The following TMEM163 variants were observed in gnomAD, a reference collection of about 807,000 sequenced individuals.
TMEM163 encodes the protein transmembrane protein 163.
TMEM163 carries 17 observed loss-of-function variants against 29.3 expected under a neutral mutation model. The observed-to-expected ratio is 0.58, with a 90% CI of 0.40 to 0.87. The LOEUF is 0.87. TMEM163 is among the 40% of genes least tolerant of loss of function. The probability of loss-of-function intolerance (pLI) is 0.00; values close to 1 mark genes in which losing one functional copy is unlikely to be tolerated. For synonymous variants in TMEM163, 157 were observed against 160.6 expected (o/e 0.98, Z 0.17); for missense variants, 303 against 381.5 (o/e 0.79, Z 1.71).
At position 134,509,977 on chromosome 2, in the gene TMEM163, A is replaced by G. The variant is rs117353958; in HGVS notation, c.459-6980T>C. On this transcript the variant is annotated intron_variant, in intron 4 of 7. Transcript: ENST00000281924. ...ACACAGCACTGTGGGGCCCTATTTC[A>G]GCAGGAGTTCAAAATGGAGATGCTG... 5.1e-4 allele frequency among the ~76,000 whole-genome samples: 77 copies of G among 152,324 alleles called. No individual in the cohort carries two copies. In the East Asian group the frequency reaches 0.014, roughly 28 times the overall value.
intron 4 of TMEM163, among the ~76,000 whole-genome samples, chr2:134,526,646 TAA>T (rs1680305943): frequency 6.6e-6 from 1 of 152,332 alleles, no homozygotes; most frequent in Non-Finnish European, 1.5e-5. Context: ...ATGTAATTAA[TAA>T]AGTCTCTCCA....
chr2:134,692,379 T>C (rs1185965414), intron 2 of TMEM163, among the ~76,000 whole-genome samples: 1 of 152,224 alleles, frequency 6.6e-6, no homozygotes, highest in African/African-American at 2.4e-5. Context: ...CTGACCTCTA[T>C]GTCTTCCACT....
chr2:134,541,995 G>C (rs1680684028), intron 4 of TMEM163, among the ~76,000 whole-genome samples: 1 of 152,192 alleles, frequency 6.6e-6, no homozygotes, highest in African/African-American at 2.4e-5. Context: ...TGAAATTGAG[G>C]CATCAAGAAA....
intron 4 of TMEM163, among the ~76,000 whole-genome samples, chr2:134,539,582 T>A (rs1680618358): frequency 6.6e-6 from 1 of 152,186 alleles, no homozygotes; most frequent in African/African-American, 2.4e-5. Context: ...TGTATATGTA[T>A]CTTATAAAAT....
Position 134,460,379 on chromosome 2 carries a change from A to C in TMEM163, c.668-2206T>G. On this transcript the variant is annotated intron_variant, in intron 6 of 7. Transcript: ENST00000281924. The surrounding 1 kb of genome is among the most constrained non-coding windows in gnomAD (Gnocchi z 4.3). Reference sequence around the variant, plus strand: ...CCCCTAAACTTCCTCCCCTCCACCCACCACTCCCTCCTGCCTCCAGCTAAC... The same window carrying C: ...CCCCTAAACTTCCTCCCCTCCACCCCCCACTCCCTCCTGCCTCCAGCTAAC... Among the ~76,000 whole-genome samples the C allele has an allele frequency of 6.8e-6, 1 of 146,988 alleles. No homozygotes were observed. The highest frequency in any genetic ancestry group is 6.7e-5 in the Admixed American group (1 of 14,918).
At chr2:134,585,709 T>C (rs1224509973) in intron 2 of TMEM163, among the ~76,000 whole-genome samples, 1 of 147,490 alleles carries the variant, frequency 6.8e-6, no homozygotes, top group African/African-American at 2.5e-5. Context: ...GCCACTGCAC[T>C]CCAGCCTGGG....
chr2:134,647,892 C>T (rs1288017357), intron 2 of TMEM163, among the ~76,000 whole-genome samples: 1 of 152,206 alleles, frequency 6.6e-6, no homozygotes, highest in African/African-American at 2.4e-5. Context: ...CTCTGTGTGG[C>T]CCCGTGGCAG....
chr2:134,658,483 A>G (rs985107050), intron 2 of TMEM163, among the ~76,000 whole-genome samples: 8 of 152,134 alleles, frequency 5.3e-5, no homozygotes, highest in African/African-American at 1.9e-4. Context: ...TGTTCTGAGT[A>G]TTGGTATGAG....
chr2:134,534,741 G>A (rs536436852), intron 4 of TMEM163, among the ~76,000 whole-genome samples: 91 of 152,062 alleles, frequency 6.0e-4, no homozygotes, highest in East Asian at 3.5e-3. Flanking sequence ...GCGACACAGT[G>A]AGACTCCATC....
At chr2:134,683,283 T>TG (rs954243379) in intron 2 of TMEM163, among the ~76,000 whole-genome samples, 56 of 152,096 alleles carry the variant, frequency 3.7e-4, no homozygotes, top group African/African-American at 1.3e-3. Context: ...GTTCATCAAG[T>TG]GTAACAAATG....
At chr2:134,498,583 C>T (rs1421271269) in intron 5 of TMEM163, among the ~76,000 whole-genome samples, 4 of 152,164 alleles carry the variant, frequency 2.6e-5, no homozygotes, top group Middle Eastern at 3.2e-3. Context: ...CCGCCTGTCT[C>T]GGCCTCCCAA....
intron 2 of TMEM163, among the ~76,000 whole-genome samples, chr2:134,580,885 C>A (rs1681676264): frequency 6.6e-6 from 1 of 152,156 alleles, no homozygotes; most frequent in Non-Finnish European, 1.5e-5. Flanking sequence ...TGCACTCCAG[C>A]CTGGGTGACA....
intron 1 of TMEM163, 72 bp downstream of exon 1, chr2:134,718,662 C>T: frequency 9.3e-7 from 1 of 1,070,700 alleles, no homozygotes. Context: ...CCCAGCGCGG[C>T]CCGCGAGTGG....
intron 2 of TMEM163, among the ~76,000 whole-genome samples, chr2:134,659,154 A>C (rs1413313149): frequency 6.6e-6 from 1 of 152,228 alleles, no homozygotes. Context: ...ACTGTAACAC[A>C]ATGGTATTTG....
chr2:134,504,973 A>G (rs945250640), intron 4 of TMEM163, among the ~76,000 whole-genome samples: 1 of 152,158 alleles, frequency 6.6e-6, no homozygotes, highest in Non-Finnish European at 1.5e-5. Context: ...TGTTTGGAAG[A>G]CAGTTCTGGA....
At chr2:134,644,109 A>G (rs1683280154) in intron 2 of TMEM163, among the ~76,000 whole-genome samples, 1 of 152,142 alleles carries the variant, frequency 6.6e-6, no homozygotes, top group African/African-American at 2.4e-5. Context: ...GAAAGAAGTT[A>G]AAGAAGTTCT....
At chr2:134,604,211 C>T (rs1682298595) in intron 2 of TMEM163, among the ~76,000 whole-genome samples, 2 of 152,064 alleles carry the variant, frequency 1.3e-5, no homozygotes, top group African/African-American at 4.8e-5. Context: ...GGAGGCCTGC[C>T]CAAGGACGCC....
chr2:134,563,774 G>A (rs953430820), intron 2 of TMEM163, among the ~76,000 whole-genome samples: 27 of 152,314 alleles, frequency 1.8e-4, no homozygotes, highest in African/African-American at 6.5e-4. Context: ...GCCAAGACAG[G>A]CCAGGCACGG....
chr2:134,458,402 T>C lies in TMEM163; in HGVS notation c.668-229A>G. ...CCACCATCATTCTGTACCTGCTTTA[T>C]TTCTCTTCTGGGAACTGACGCCATA... On this transcript the variant is annotated intron_variant, in intron 6 of 7. Coordinates refer to ENST00000281924, the MANE Select transcript of TMEM163 (RefSeq NM_030923.5). 5 of 557,000 alleles carry C rather than the reference T, an allele frequency of 9.0e-6. No homozygotes were observed. The South Asian group carries it at 1.1e-4, about 12-fold the overall frequency. The allele number at this position is 557,000 out of a possible 1,614,324, so 34.5% of individuals were successfully genotyped here.
Sources: allele counts gnomAD v4.1 joint callset (sites outside exome capture counted in the v4.1 genomes callset), GRCh38; gene constraint gnomAD v4.1.1; non-coding constraint Gnocchi (gnomAD v3.1); transcripts MANE v1.5; gene names NCBI Gene and HGNC (gene_info 2026-07-23, HGNC 2026-07-21).